Variants in GRM2 observed in about 807,000 individuals in gnomAD.
GRM2 encodes metabotropic glutamate receptor 2.
Under a neutral mutation model 60.4 loss-of-function variants are expected in GRM2, and 35 were observed. That is an observed-to-expected ratio of 0.58 (90% confidence interval 0.44 to 0.77). GRM2 has a LOEUF of 0.77. GRM2 is among the 30% of genes least tolerant of loss of function. The probability of loss-of-function intolerance (pLI) is 0.00; values close to 1 mark genes in which losing one functional copy is unlikely to be tolerated. For missense variants in GRM2, 925 were observed against 1,199.5 expected (o/e 0.77, Z 3.38); for synonymous variants, 437 against 484.1 (o/e 0.90, Z 1.28).
In GRM2 at chr3:51,716,300, A is replaced by G. The variant is rs1406051492; in HGVS notation, c.2364+163A>G. Among the ~76,000 whole-genome samples the G allele has an allele frequency of 1.3e-5, 2 of 152,218 alleles. No homozygotes were observed. The highest frequency in any genetic ancestry group is 4.8e-5 in the African/African-American group (2 of 41,460). ...CAAGGGGAAGGTGGGAGGGCTGAAT[A>G]GGACCTAGGGAAATGGCCAGGGAGG... On this transcript the variant is annotated intron_variant, in intron 4 of 5. Coordinates refer to ENST00000395052, the MANE Select transcript of GRM2 (RefSeq NM_000839.5). This position sits in a 1 kb window ranked among gnomAD's most constrained non-coding sequence, Gnocchi z 4.0.
In GRM2 at chr3:51,716,175, A is replaced by C; in HGVS notation, c.2364+38A>C. 1 of 1,316,794 alleles carries C rather than the reference A, an allele frequency of 7.6e-7. No individual in the cohort carries two copies. Among genetic ancestry groups the C allele is most frequent in the East Asian group, 2.3e-5 (1 of 43,510 alleles). 81.6% of individuals were successfully genotyped at this position (1,316,794 alleles called of 1,614,324 possible). A position where few individuals can be genotyped will look rare whatever the true frequency, so the allele number is the denominator to read the frequency against. ...CCACAGAGGTCGGGGGAGATGGGAC[A>C]CCAGACCCTCTGTTTCCTGGTATCT... On this transcript the variant is annotated intron_variant, in intron 4 of 5. Coordinates refer to ENST00000395052, the MANE Select transcript of GRM2 (RefSeq NM_000839.5). The surrounding 1 kb of genome is among the most constrained non-coding windows in gnomAD (Gnocchi z 4.0).
chr3:51,715,354 C>G lies in GRM2; in HGVS notation c.1581C>G (p.Pro527=). The G allele has an allele frequency of 6.2e-7, 1 of 1,613,822 alleles. No homozygotes were observed. Among genetic ancestry groups the G allele is most frequent in the Non-Finnish European group, 8.5e-7 (1 of 1,180,038 alleles). The change falls in exon 4 of 6, where the codon CCC becomes CCG. Residue 527 remains proline (P), a synonymous_variant. Transcript: ENST00000395052. The surrounding 1 kb of genome is among the most constrained non-coding windows in gnomAD (Gnocchi z 9.0). ...GCTGGCTCTGCATTCCGTGCCAGCC[C>G]TATGAGTACCGATTGGACGAATTCA... ...VCCWLCIPCQ[P]YEYRLDEFTC...
chr3:51,716,218 G>T lies in GRM2; in HGVS notation c.2364+81G>T. Reference sequence around the variant, plus strand: ...TGGTATCTTATTTAATCTACTGGTAGCTCTGGGGTTCCAAGAGGATAATGC... The same window carrying T: ...TGGTATCTTATTTAATCTACTGGTATCTCTGGGGTTCCAAGAGGATAATGC... On this transcript the variant is annotated intron_variant, in intron 4 of 5. Transcript: ENST00000395052. This position sits in a 1 kb window ranked among gnomAD's most constrained non-coding sequence, Gnocchi z 4.0. The T allele has an allele frequency of 1.1e-6, 1 of 952,308 alleles. No individual in the cohort carries two copies. The highest frequency in any genetic ancestry group is 1.6e-6 in the Non-Finnish European group (1 of 615,652). 59.0% of individuals were successfully genotyped at this position (952,308 alleles called of 1,614,324 possible). A position where few individuals can be genotyped will look rare whatever the true frequency, so the allele number is the denominator to read the frequency against.
At position 51,712,873 on chromosome 3, in the gene GRM2, G is replaced by A. The variant is rs1345121780; in HGVS notation, c.851G>A (p.Arg284His). ...CGGGAGCTGCTTGCTGCCAGCCAGC[G>A]CCTCAATGCCAGCTTCACCTGGGTG... ...DARELLAASQ[R>H]LNASFTWVAS... Residue 284 changes from arginine to histidine, a missense_variant, in exon 3 of 6, where the codon CGC becomes CAC. Arg to His is a conservative substitution (Grantham distance 29, BLOSUM62 0). Coordinates refer to ENST00000395052, the MANE Select transcript of GRM2 (RefSeq NM_000839.5). The surrounding 1 kb of genome is among the most constrained non-coding windows in gnomAD (Gnocchi z 5.3). The A allele has an allele frequency of 5.0e-6, 8 of 1,612,944 alleles. No homozygotes were observed. The highest frequency in any genetic ancestry group is 2.2e-5 in the East Asian group (1 of 44,892).
chr3:51,709,411 C>A lies in GRM2; in HGVS notation c.428C>A (p.Ser143Tyr). ...PTAITGVIGG[S>Y]YSDVSIQVAN... Reference sequence around the variant, plus strand: ...GCCATCACTGGTGTTATTGGCGGTTCCTACAGTGATGTCTCCATCCAGGTA... The same window carrying A: ...GCCATCACTGGTGTTATTGGCGGTTACTACAGTGATGTCTCCATCCAGGTA... Residue 143 changes from serine to tyrosine, a missense_variant, in exon 2 of 6, where the codon TCC (serine) becomes TAC (tyrosine). Transcript: ENST00000395052. The A allele has an allele frequency of 6.4e-7, 1 of 1,562,898 alleles. No individual in the cohort carries two copies.
rs982357879 is a variant in GRM2, at chr3:51,716,281, G to A, written c.2364+144G>A. 1.6e-6 allele frequency: 1 copy of A among 641,254 alleles called. No homozygotes were observed. The highest frequency in any genetic ancestry group is 2.7e-5 in the Admixed American group (1 of 36,372). 39.7% of individuals were successfully genotyped at this position (641,254 alleles called of 1,614,324 possible). A position where few individuals can be genotyped will look rare whatever the true frequency, so the allele number is the denominator to read the frequency against. On this transcript the variant is annotated intron_variant, in intron 4 of 5. Coordinates refer to ENST00000395052, the MANE Select transcript of GRM2 (RefSeq NM_000839.5). The surrounding 1 kb of genome is among the most constrained non-coding windows in gnomAD (Gnocchi z 4.0). ...CCACAGCTTGTGTGGATCCCAAGGG[G>A]AAGGTGGGAGGGCTGAATAGGACCT...
At position 51,717,629 on chromosome 3, in the gene GRM2, CA is replaced by C. The variant is rs1577566721; in HGVS notation, c.2365-7del. 1 of 1,610,078 alleles carries C rather than the reference CA, an allele frequency of 6.2e-7. No homozygotes were observed. The highest frequency in any genetic ancestry group is 8.5e-7 in the Non-Finnish European group (1 of 1,177,772). ...ACCTGTGCTTGTTCACCCACTCACC[CA>C]CCGCAGGTACAGACCACCACCATGT... On this transcript the variant is annotated splice_polypyrimidine_tract_variant and splice_region_variant and intron_variant, in intron 4 of 5. Coordinates refer to ENST00000395052, the MANE Select transcript of GRM2 (RefSeq NM_000839.5). This position sits in a 1 kb window ranked among gnomAD's most constrained non-coding sequence, Gnocchi z 6.0.
rs370668121 is a variant in GRM2 at position 51,713,568 on chromosome 3, C to T, written c.1288+258C>T. Reference sequence around the variant, plus strand: ...TGAGGGTCTCTGGCTCCTCCTTGGGCCTTGCCCACTGTCTTCTGTCTCCTT... The same window carrying T: ...TGAGGGTCTCTGGCTCCTCCTTGGGTCTTGCCCACTGTCTTCTGTCTCCTT... On this transcript the variant is annotated intron_variant, in intron 3 of 5. Coordinates refer to ENST00000395052, the MANE Select transcript of GRM2 (RefSeq NM_000839.5). The surrounding 1 kb of genome is among the most constrained non-coding windows in gnomAD (Gnocchi z 4.8). 3 of 485,238 alleles carry T rather than the reference C, an allele frequency of 6.2e-6. No individual in the cohort carries two copies. Among genetic ancestry groups the T allele is most frequent in the African/African-American group, 1.9e-5 (1 of 51,914 alleles). 30.1% of individuals were successfully genotyped at this position (485,238 alleles called of 1,614,324 possible).
rs1703596256 is a variant in GRM2 at position 51,708,991 on chromosome 3, C to T, written c.8C>T (p.Ser3Leu). The T allele has an allele frequency of 1.3e-6, 2 of 1,573,398 alleles. No homozygotes were observed. Among genetic ancestry groups the T allele is most frequent in the Non-Finnish European group, 1.7e-6 (2 of 1,153,802 alleles). ...TCCATCCCCTTTGGGGCCATGGGAT[C>T]GCTGCTTGCGCTCCTGGCACTGCTG... MG[S>L]LLALLALLLL... Residue 3 changes from serine (S) to leucine (L), a missense_variant, in exon 2 of 6, where the codon TCG (serine) becomes TTG (leucine). Physicochemically the swap from Ser to Leu is moderately radical, Grantham distance 145 (BLOSUM62 -2). Transcript: ENST00000395052.
chr3:51,709,747 CACACACCCA>C (rs1184912359), intron 2 of GRM2, among the ~76,000 whole-genome samples: 1 of 114,246 alleles, frequency 8.8e-6, no homozygotes, highest in Non-Finnish European at 1.8e-5. Flanking sequence ...GACACACCCA[CACACACCCA>C]ACACACCCAC....
At chr3:51,714,972 G>T (rs1703841575) in intron 3 of GRM2, 90 bp from the exon 4 acceptor site, 1 of 744,332 alleles carries the variant, frequency 1.3e-6, no homozygotes, top group Non-Finnish European at 2.2e-6. Context: ...CTTAGCTCTG[G>T]CATTTGGGTT....
chr3:51,718,300 A>G lies in GRM2; in HGVS notation c.*188A>G. 1.6e-6 allele frequency: 1 copy of G among 618,344 alleles called. No homozygotes were observed. The highest frequency in any genetic ancestry group is 1.9e-5 in the South Asian group (1 of 54,038). 38.3% of individuals were successfully genotyped at this position (618,344 alleles called of 1,614,324 possible). ...TCAGAAGTCAGGAGCCTTGGCCAGG[A>G]GCCTCTGCAGTGGCCACTAACTGCC... On this transcript the variant is annotated 3_prime_UTR_variant, in exon 6 of 6. Coordinates refer to ENST00000395052, the MANE Select transcript of GRM2 (RefSeq NM_000839.5). This position sits in a 1 kb window ranked among gnomAD's most constrained non-coding sequence, Gnocchi z 4.2.
At chr3:51,709,835 A>ACCCT (rs1703649734) in intron 2 of GRM2, among the ~76,000 whole-genome samples, 1 of 22,550 alleles carries the variant, frequency 4.4e-5, no homozygotes, top group African/African-American at 1.3e-4. Flanking sequence ...ACCCAGACAC[A>ACCCT]CACACCCTCA....
In GRM2 at chr3:51,718,193, T is replaced by C; in HGVS notation, c.*81T>C. The C allele has an allele frequency of 4.3e-6, 5 of 1,154,296 alleles. No individual in the cohort carries two copies. The highest frequency in any genetic ancestry group is 6.6e-6 in the Non-Finnish European group (5 of 759,750). The allele number at this position is 1,154,296 out of a possible 1,614,324, so 71.5% of individuals were successfully genotyped here. A position where few individuals can be genotyped will look rare whatever the true frequency, so the allele number is the denominator to read the frequency against. On this transcript the variant is annotated 3_prime_UTR_variant, in exon 6 of 6. Transcript: ENST00000395052. This position sits in a 1 kb window ranked among gnomAD's most constrained non-coding sequence, Gnocchi z 4.2. Reference sequence around the variant, plus strand: ...CGTCCAGGGCCAGGAGGAAGTTGGCTGGAGCACTGCAATAATTTATTACCC... The same window carrying C: ...CGTCCAGGGCCAGGAGGAAGTTGGCCGGAGCACTGCAATAATTTATTACCC...
At position 51,718,106 on chromosome 3, in the gene GRM2, G is replaced by A. The variant is rs775686792; in HGVS notation, c.2613G>A (p.Ser871=). The A allele has an allele frequency of 7.4e-6, 12 of 1,613,732 alleles. No individual in the cohort carries two copies. The highest frequency in any genetic ancestry group is 2.2e-5 in the East Asian group (1 of 44,884). ...AGGTGGTGGACTCGACAACGTCATC[G>A]CTTTGAAGACCCCATACTCCCGCCC... ...GREVVDSTTS[S]L Residue 871 remains serine, a synonymous_variant, in exon 6 of 6, where the codon TCG becomes TCA. Coordinates refer to ENST00000395052, the MANE Select transcript of GRM2 (RefSeq NM_000839.5). The surrounding 1 kb of genome is among the most constrained non-coding windows in gnomAD (Gnocchi z 4.2).
intron 2 of GRM2, 81 bp downstream of exon 2, chr3:51,709,514 T>A: frequency 4.1e-6 from 4 of 969,884 alleles, no homozygotes; most frequent in Non-Finnish European, 6.0e-6. Context: ...AAGGGGCTCA[T>A]GGGCTGCTGT....
In GRM2 at chr3:51,715,984, C is replaced by G; in HGVS notation, c.2211C>G (p.Leu737=). 6.2e-7 allele frequency: 1 copy of G among 1,614,214 alleles called. No homozygotes were observed. The highest frequency in any genetic ancestry group is 8.5e-7 in the Non-Finnish European group (1 of 1,180,030). The change falls in exon 4 of 6, where the codon CTC becomes CTG. Residue 737 remains leucine, a synonymous_variant. Transcript: ENST00000395052. The surrounding 1 kb of genome is among the most constrained non-coding windows in gnomAD (Gnocchi z 9.0). ...SMLGSLAYNV[L]LIALCTLYAF... is the part of the protein sequence containing the mutation. Reference sequence around the variant, plus strand: ...TGGGCTCGCTGGCCTACAATGTGCTCCTCATCGCGCTCTGCACGCTTTATG... The same window carrying G: ...TGGGCTCGCTGGCCTACAATGTGCTGCTCATCGCGCTCTGCACGCTTTATG...
chr3:51,715,625 T>C lies in GRM2; in HGVS notation c.1852T>C (p.Cys618Arg). 6.2e-7 allele frequency: 1 copy of C among 1,614,258 alleles called. No homozygotes were observed. The highest frequency in any genetic ancestry group is 1.1e-5 in the South Asian group (1 of 91,088). ...GCTGGGTGGTGTCTTCCTCTGCTAC[T>C]GCATGACCTTCATCTTCATTGCCAA... is the stretch of plus-strand genomic sequence containing the variant. ...ILLGGVFLCY[C>R]MTFIFIAKPS... is the part of the protein sequence containing the mutation. The change falls in exon 4 of 6, where the codon TGC becomes CGC. Residue 618 changes from cysteine to arginine, a missense_variant. Cys to Arg is a radical substitution (Grantham distance 180). Coordinates refer to ENST00000395052, the MANE Select transcript of GRM2 (RefSeq NM_000839.5). This position sits in a 1 kb window ranked among gnomAD's most constrained non-coding sequence, Gnocchi z 9.0.
chr3:51,711,941 C>G (rs1296472976), intron 2 of GRM2, among the ~76,000 whole-genome samples: 1 of 152,234 alleles, frequency 6.6e-6, no homozygotes, highest in Non-Finnish European at 1.5e-5. Flanking sequence ...GTTTAAGACT[C>G]AGGCATTCAA....
Sources: gnomAD v4.1 joint callset for allele counts (sites outside exome capture counted in the v4.1 genomes callset) on GRCh38, gnomAD v4.1.1 for gene constraint, Gnocchi (gnomAD v3.1) non-coding constraint, MANE v1.5 for transcripts, NCBI Gene and HGNC (gene_info 2026-07-23, HGNC 2026-07-21) for gene names.